The following WDR86 variants were observed in gnomAD, a reference collection of about 807,000 sequenced individuals.
WDR86 encodes WD repeat-containing protein 86.
WDR86 carries 30 observed loss-of-function variants against 36.5 expected under a neutral mutation model. The ratio of observed to expected loss-of-function variants is 0.82; its 90% CI spans 0.61 to 1.11. WDR86 has a LOEUF of 1.11. Ranked by LOEUF, WDR86 falls within the 50% of genes most tolerant of loss-of-function variation. The pLI is 0.00. For synonymous variants in WDR86, 255 were observed against 252.9 expected, an observed-to-expected ratio of 1.01 and a Z score of -0.08; for missense variants, 545 against 561.2, an observed-to-expected ratio of 0.97 and a Z score of 0.29.
At chr7:151,374,436 A>G, downstream of WDR86, 3 of 722,234 alleles carry the variant, frequency 4.2e-6, no homozygotes, top group Non-Finnish European at 7.0e-6. Context: ...CCCCATGCTC[A>G]GTGCTTGGCC....
downstream of WDR86, chr7:151,376,614 A>G (rs776086533): frequency 5.7e-6 from 9 of 1,581,880 alleles, no homozygotes; most frequent in African/African-American, 1.2e-4. Flanking sequence ...TGATGCTGTG[A>G]CCCCTGCGCT....
chr7:151,369,456 T>C, the WDR86 span, among the ~76,000 whole-genome samples: 1 of 152,346 alleles, frequency 6.6e-6, no homozygotes, highest in South Asian at 2.1e-4. Flanking sequence ...AAATTGTTTT[T>C]TCATGAGGTC....
chr7:151,374,568 A>C (rs935266608), downstream of WDR86: 9 of 412,348 alleles, frequency 2.2e-5, no homozygotes, highest in African/African-American at 1.8e-4. Context: ...GGCAGAAAAA[A>C]GAGAATGGGA....
chr7:151,400,355 C>A, intron 1 of WDR86, 114 bp from the exon 2 acceptor site: 1 of 1,141,262 alleles, frequency 8.8e-7, no homozygotes, highest in East Asian at 3.0e-5. Flanking sequence ...GTGTTTGAGA[C>A]AAGCTGGAGT....
chr7:151,381,466 G>C lies in WDR86; in HGVS notation c.*116C>G. The C allele has an allele frequency of 1.3e-6, 2 of 1,488,284 alleles. No homozygotes were observed. Among genetic ancestry groups the C allele is most frequent in the South Asian group, 2.5e-5 (2 of 79,324 alleles). 92.2% of individuals were successfully genotyped at this position (1,488,284 alleles called of 1,614,324 possible). On this transcript the variant is annotated 3_prime_UTR_variant, in exon 6 of 6. Transcript: ENST00000334493. The surrounding 1 kb of genome is among the most constrained non-coding windows in gnomAD (Gnocchi z 4.8). ...TGCGACGGGCTCTCCTCCCGCCCGGGCTTCCTCGCTCCTCGCCCCTCGCCG... is the reference window on the plus strand; with the variant it reads ...TGCGACGGGCTCTCCTCCCGCCCGGCCTTCCTCGCTCCTCGCCCCTCGCCG...
At chr7:151,394,476 G>A (rs1299939038) in intron 3 of WDR86, among the ~76,000 whole-genome samples, 1 of 152,232 alleles carries the variant, frequency 6.6e-6, no homozygotes, top group Admixed American at 6.5e-5. Context: ...TGAGCATCAG[G>A]TGCTGGTAGC....
rs1800882388 is a variant in WDR86 at position 151,408,215 on chromosome 7, T to A, written c.163+1212A>T. Among the ~76,000 whole-genome samples, 4 of 148,618 alleles carry A rather than the reference T, an allele frequency of 2.7e-5. No homozygotes were observed. In the South Asian group the frequency reaches 8.5e-4, roughly 32 times the overall value. On this transcript the variant is annotated intron_variant, in intron 1 of 5. Transcript: ENST00000334493. ...TTTTCTTTTCTTTTTTTTTTTTTTT[T>A]AGACAGAGTCTGGCTCTGTCACCCA...
At chr7:151,400,312 T>C (rs1563062983) in intron 1 of WDR86, 71 bp from the exon 2 acceptor site, 1 of 1,442,892 alleles carries the variant, frequency 6.9e-7, no homozygotes, top group East Asian at 2.6e-5. Flanking sequence ...CTGGGAACAA[T>C]GTTTGAAAAG....
At position 151,409,703 on chromosome 7, in the gene WDR86, G is replaced by T; in HGVS notation, c.-114C>A. 1 of 1,298,142 alleles carries T rather than the reference G, an allele frequency of 7.7e-7. No individual in the cohort carries two copies. The highest frequency in any genetic ancestry group is 9.7e-7 in the Non-Finnish European group (1 of 1,027,172). 80.4% of individuals were successfully genotyped at this position (1,298,142 alleles called of 1,614,324 possible). A position where few individuals can be genotyped will look rare whatever the true frequency, so the allele number is the denominator to read the frequency against. On this transcript the variant is annotated 5_prime_UTR_variant, in exon 1 of 6. Coordinates refer to ENST00000334493, the MANE Select transcript of WDR86 (RefSeq NM_198285.3). This position sits in a 1 kb window ranked among gnomAD's most constrained non-coding sequence, Gnocchi z 5.2. Reference sequence around the variant, plus strand: ...GCCCGCGGCCATCGCGGGGAACGGGGAGCCCGACTCCTGCGGAGGCACGCG... The same window carrying T: ...GCCCGCGGCCATCGCGGGGAACGGGTAGCCCGACTCCTGCGGAGGCACGCG...
chr7:151,396,158 T>C lies in WDR86; in HGVS notation c.344A>G (p.Tyr115Cys). The C allele has an allele frequency of 1.2e-6, 2 of 1,612,928 alleles. No individual in the cohort carries two copies. Among genetic ancestry groups the C allele is most frequent in the South Asian group, 1.1e-5 (1 of 91,076 alleles). The change falls in exon 3 of 6, where the codon TAT (tyrosine) becomes TGT (cysteine). Residue 115 changes from tyrosine to cysteine, a missense_variant. Tyr to Cys is a radical substitution (Grantham distance 194). Transcript: ENST00000334493. Reference sequence around the variant, plus strand: ...ACTCCAGACCCGAGCTGTCCGGTCATAGGAGCTGCTGAAGAGCTGGTTGTT... The same window carrying C: ...ACTCCAGACCCGAGCTGTCCGGTCACAGGAGCTGCTGAAGAGCTGGTTGTT... ...VANNQLFSSS[Y>C]DRTARVWSVD... is the part of the protein sequence containing the mutation.
chr7:151,403,525 T>C (rs1347544291), intron 1 of WDR86, among the ~76,000 whole-genome samples: 1 of 152,130 alleles, frequency 6.6e-6, no homozygotes, highest in Non-Finnish European at 1.5e-5. Flanking sequence ...GTTCAGTTAC[T>C]CTTGGAAAAA....
chr7:151,410,135 C>T, upstream of WDR86: 1 of 950,102 alleles, frequency 1.1e-6, no homozygotes, highest in Non-Finnish European at 1.3e-6. Flanking sequence ...GCAGCCTCCC[C>T]CCTTCGTCGC....
chr7:151,381,268 G>A lies in WDR86; in HGVS notation c.*314C>T. 13 of 1,315,200 alleles carry A rather than the reference G, an allele frequency of 9.9e-6. No homozygotes were observed. Among genetic ancestry groups the A allele is most frequent in the Non-Finnish European group, 1.2e-5 (12 of 1,036,912 alleles). The allele number at this position is 1,315,200 out of a possible 1,614,324, so 81.5% of individuals were successfully genotyped here. A position where few individuals can be genotyped will look rare whatever the true frequency, so the allele number is the denominator to read the frequency against. ...CAGTTTCGTGGGGCTGGGGGAGCTG[G>A]GGCAGTCCGCCTGCAGCCCCTGAGG... On this transcript the variant is annotated 3_prime_UTR_variant, in exon 6 of 6. Transcript: ENST00000334493. This position sits in a 1 kb window ranked among gnomAD's most constrained non-coding sequence, Gnocchi z 4.8.
At chr7:151,380,697 G>A (rs1403663866), downstream of WDR86, among the ~76,000 whole-genome samples, 6 of 152,072 alleles carry the variant, frequency 3.9e-5, no homozygotes, top group South Asian at 2.1e-4. Flanking sequence ...TTGGGTGCCC[G>A]GTGGCTCTGG....
At chr7:151,369,015 T>C in the WDR86 span, 1 of 1,104,342 alleles carries the variant, frequency 9.1e-7, no homozygotes, top group Non-Finnish European at 1.2e-6. Context: ...ACTTGTCCTT[T>C]TTTTTTTCTT....
downstream of WDR86, chr7:151,376,827 T>C (rs2150729291): frequency 6.4e-7 from 1 of 1,565,390 alleles, no homozygotes. Flanking sequence ...TCTGAGGTCT[T>C]TGAGGGCCGC....
At chr7:151,398,532 GTGTA>G (rs1440989865) in intron 2 of WDR86, among the ~76,000 whole-genome samples, 2 of 150,278 alleles carry the variant, frequency 1.3e-5, no homozygotes, top group Admixed American at 6.6e-5. Flanking sequence ...GTGTATGAGT[GTGTA>G]TGTATGTTGT....
chr7:151,372,513 A>G (rs1483865210), downstream of WDR86, among the ~76,000 whole-genome samples: 4 of 152,200 alleles, frequency 2.6e-5, no homozygotes, highest in East Asian at 1.9e-4. Context: ...AAGAAACTGT[A>G]TTGAAAGCAG....
rs1268766005 is a variant in WDR86 at position 151,409,310 on chromosome 7, C to T, written c.163+117G>A. 2.1e-6 allele frequency: 3 copies of T among 1,453,036 alleles called. No homozygotes were observed. Among genetic ancestry groups the T allele is most frequent in the African/African-American group, 1.4e-5 (1 of 71,212 alleles). 90.0% of individuals were successfully genotyped at this position (1,453,036 alleles called of 1,614,324 possible). On this transcript the variant is annotated intron_variant, in intron 1 of 5. Transcript: ENST00000334493. This position sits in a 1 kb window ranked among gnomAD's most constrained non-coding sequence, Gnocchi z 5.2. ...GACAAGCGCTCTTCCGCTAGTGTGC[C>T]GGGATGAGCGGGGGCTGGACTTCTA...
Sources: allele counts gnomAD v4.1 joint callset (sites outside exome capture counted in the v4.1 genomes callset), GRCh38; gene constraint gnomAD v4.1.1; non-coding constraint Gnocchi (gnomAD v3.1); transcripts MANE v1.5; gene names NCBI Gene and HGNC (gene_info 2026-07-23, HGNC 2026-07-21).